MAML3: variants seen among roughly 807,000 people sequenced by gnomAD.
The protein encoded by MAML3 is mastermind like transcriptional coactivator 3, also known as mastermind-like protein 3.
In MAML3, 27 loss-of-function variants were observed where a neutral mutation model predicts 101.9. That is an observed-to-expected ratio of 0.27 (90% CI 0.20 to 0.37). MAML3 has a LOEUF of 0.37. Ranked by LOEUF, MAML3 falls within the 10% of genes least tolerant of loss-of-function variation. The pLI, the probability that MAML3 is intolerant of heterozygous loss-of-function variation, is 1.00. For missense variants in MAML3, 1,316 were observed against 1,444.9 expected, an observed-to-expected ratio of 0.91 and a Z score of 1.45; for synonymous variants, 501 against 555.9, an observed-to-expected ratio of 0.90 and a Z score of 1.39.
chr4:139,870,309 C>A (rs138310683), intron 2 of MAML3, among the ~76,000 whole-genome samples: 1 of 152,138 alleles, frequency 6.6e-6, no homozygotes. Flanking sequence ...CCCACCCTAC[C>A]CCTGGCCCCC....
rs545540073 is a variant in MAML3, at chr4:139,731,317, G to A, written c.2080-650C>T. Reference sequence around the variant, plus strand: ...ATATTTTTAAAAATAGAATTGAGTCGGCCGGGCGCGGTGTCTCACGCCTGT... The same window carrying A: ...ATATTTTTAAAAATAGAATTGAGTCAGCCGGGCGCGGTGTCTCACGCCTGT... On this transcript the variant is annotated intron_variant, in intron 2 of 4. Coordinates refer to ENST00000509479, the MANE Select transcript of MAML3 (RefSeq NM_018717.5). 134 of 152,956 alleles carry A rather than the reference G, an allele frequency of 8.8e-4. No homozygotes were observed. In the Middle Eastern group the frequency reaches 0.01, roughly 12 times the overall value. The allele number at this position is 152,956 out of a possible 1,614,324, so 9.5% of individuals were successfully genotyped here.
intron 1 of MAML3, among the ~76,000 whole-genome samples, chr4:140,142,802 T>A (rs1219961209): frequency 3.3e-5 from 5 of 152,228 alleles, no homozygotes; most frequent in Non-Finnish European, 5.9e-5. Context: ...TGCACCTTCC[T>A]GTATGCTTCT....
intron 1 of MAML3, among the ~76,000 whole-genome samples, chr4:140,102,246 T>C (rs970098063): frequency 6.6e-6 from 1 of 152,236 alleles, no homozygotes; most frequent in Non-Finnish European, 1.5e-5. Context: ...TAGAAACGAT[T>C]TCTAGCCCCA....
chr4:139,950,152 T>G (rs1733808376), intron 1 of MAML3, among the ~76,000 whole-genome samples: 1 of 152,192 alleles, frequency 6.6e-6, no homozygotes, highest in Non-Finnish European at 1.5e-5. Flanking sequence ...GCAATTCTCC[T>G]GCCTCAGCTT....
chr4:140,136,944 G>T (rs1560905209), intron 1 of MAML3, among the ~76,000 whole-genome samples: 1 of 152,186 alleles, frequency 6.6e-6, no homozygotes, highest in Non-Finnish European at 1.5e-5. Context: ...TCAGTATTTT[G>T]AATTTCTCCA....
chr4:140,099,229 T>TCTCA (rs148568892), intron 1 of MAML3, among the ~76,000 whole-genome samples: 5 of 147,164 alleles, frequency 3.4e-5, no homozygotes, highest in Non-Finnish European at 6.0e-5. Flanking sequence ...TGGAAGTATA[T>TCTCA]CACACACACA....
At chr4:139,911,224 T>C (rs1732913780) in intron 1 of MAML3, among the ~76,000 whole-genome samples, 1 of 95,216 alleles carries the variant, frequency 1.1e-5, no homozygotes. Context: ...CAGAATTTCC[T>C]TTTTTTTTTT....
intron 2 of MAML3, among the ~76,000 whole-genome samples, chr4:139,748,865 A>G (rs781434634): frequency 2.4e-4 from 37 of 152,090 alleles, no homozygotes; most frequent in Non-Finnish European, 4.9e-4. Context: ...TGCAAACTCA[A>G]CCCGGCTTTG....
intron 1 of MAML3, among the ~76,000 whole-genome samples, chr4:140,069,604 G>A (rs1291384033): frequency 7.0e-6 from 1 of 142,918 alleles, no homozygotes; most frequent in African/African-American, 2.6e-5. Flanking sequence ...GGAGGAGGAA[G>A]AAGAAGAAGA....
At chr4:139,948,393 A>G (rs1223173720) in intron 1 of MAML3, among the ~76,000 whole-genome samples, 1 of 152,242 alleles carries the variant, frequency 6.6e-6, no homozygotes, top group South Asian at 2.1e-4. Context: ...CTCTTGGGCA[A>G]TTAGACCATG....
intron 1 of MAML3, among the ~76,000 whole-genome samples, chr4:140,114,826 T>C (rs1438732810): frequency 5.9e-5 from 9 of 152,240 alleles, no homozygotes; most frequent in African/African-American, 1.9e-4. Context: ...AGTTATGGCC[T>C]ATTTTCAACA....
intron 1 of MAML3, among the ~76,000 whole-genome samples, chr4:139,980,170 T>C (rs114096848): frequency 0.011 from 1,693 of 152,282 alleles, 40 homozygotes; most frequent in African/African-American, 0.039. Context: ...CTCTTTATCT[T>C]AGGGCTTGAG....
chr4:140,073,985 A>T (rs1322464804), intron 1 of MAML3, among the ~76,000 whole-genome samples: 1 of 151,858 alleles, frequency 6.6e-6, no homozygotes, highest in Non-Finnish European at 1.5e-5. Context: ...TACAAAAATT[A>T]ACCGGGCATG....
At chr4:139,765,513 C>G (rs774211181) in intron 2 of MAML3, among the ~76,000 whole-genome samples, 1 of 152,164 alleles carries the variant, frequency 6.6e-6, no homozygotes, top group Non-Finnish European at 1.5e-5. Context: ...TAAAGGATTC[C>G]AATGTAATAA....
intron 1 of MAML3, among the ~76,000 whole-genome samples, chr4:140,071,455 C>T (rs1422882014): frequency 6.6e-6 from 1 of 152,192 alleles, no homozygotes; most frequent in Non-Finnish European, 1.5e-5. Flanking sequence ...CTGTCCCCAG[C>T]CCTGCTATCG....
At chr4:140,070,518 G>A (rs1404714072) in intron 1 of MAML3, among the ~76,000 whole-genome samples, 1 of 152,190 alleles carries the variant, frequency 6.6e-6, no homozygotes, top group African/African-American at 2.4e-5. Context: ...ACTGAAAGCA[G>A]AACCCACAAA....
chr4:139,917,547 G>C (rs1578596095), intron 1 of MAML3, among the ~76,000 whole-genome samples: 1 of 152,264 alleles, frequency 6.6e-6, no homozygotes, highest in East Asian at 1.9e-4. Flanking sequence ...CTCTTGAAAA[G>C]GTAATGGTTT....
At chr4:139,762,168 C>CATACAATTA (rs1260531532) in intron 2 of MAML3, among the ~76,000 whole-genome samples, 1 of 152,200 alleles carries the variant, frequency 6.6e-6, no homozygotes, top group African/African-American at 2.4e-5. Context: ...TGTTTCATTA[C>CATACAATTA]CATGCATGTC....
intron 2 of MAML3, among the ~76,000 whole-genome samples, chr4:139,799,699 A>G (rs1469839877): frequency 6.6e-6 from 1 of 152,206 alleles, no homozygotes; most frequent in Non-Finnish European, 1.5e-5. Context: ...TCTTTCCCCC[A>G]AGGTCAAAGT....
Sources: allele counts gnomAD v4.1 joint callset (sites outside exome capture counted in the v4.1 genomes callset), GRCh38; gene constraint gnomAD v4.1.1; transcripts MANE v1.5; gene names NCBI Gene and HGNC (gene_info 2026-07-23, HGNC 2026-07-21).